POLR1D: variants seen among roughly 807,000 people sequenced by gnomAD.
POLR1D encodes DNA-directed RNA polymerases I and III subunit RPAC2.
A neutral mutation model predicts 10.8 loss-of-function variants in POLR1D; 8 were observed. That is an observed-to-expected ratio of 0.74 (90% CI 0.43 to 1.33). The LOEUF is 1.33. Among genes scored for constraint, POLR1D ranks in the 40% most tolerant of loss-of-function variants. The probability of loss-of-function intolerance (pLI) is 0.01; values close to 1 mark genes in which losing one functional copy is unlikely to be tolerated. For synonymous variants in POLR1D, 54 were observed against 57.2 expected (o/e 0.94, Z 0.25); for missense variants, 152 against 161.7 (o/e 0.94, Z 0.32).
intron 2 of POLR1D, among the ~76,000 whole-genome samples, chr13:27,651,822 T>G (rs1402963339): frequency 6.6e-6 from 1 of 152,134 alleles, no homozygotes; most frequent in Non-Finnish European, 1.5e-5. Flanking sequence ...CCAGCAGGAA[T>G]TATTGTCTTA....
chr13:27,664,441 C>T (rs1956395435), intron 2 of POLR1D, among the ~76,000 whole-genome samples: 1 of 152,218 alleles, frequency 6.6e-6, no homozygotes, highest in African/African-American at 2.4e-5. Flanking sequence ...TAATTTTCCA[C>T]TGTCCTTTTC....
chr13:27,658,496 C>G (rs1956328910), intron 2 of POLR1D, among the ~76,000 whole-genome samples: 1 of 152,074 alleles, frequency 6.6e-6, no homozygotes, highest in African/African-American at 2.4e-5. Context: ...ATCTAGAAGA[C>G]CTTTTATTTG....
intron 1 of POLR1D, among the ~76,000 whole-genome samples, chr13:27,630,872 C>T (rs953693519): frequency 2.0e-5 from 3 of 152,184 alleles, no homozygotes; most frequent in African/African-American, 7.2e-5. Flanking sequence ...AGCTGCCCGC[C>T]TCCCCCACCC....
At chr13:27,651,626 T>G (rs1020404268) in intron 2 of POLR1D, 2 of 152,172 alleles carry the variant, frequency 1.3e-5, no homozygotes, top group African/African-American at 2.4e-5. Context: ...GATATATTAT[T>G]TTAAAGTGAA....
At chr13:27,636,779 A>C (rs1267496350) in intron 1 of POLR1D, among the ~76,000 whole-genome samples, 1 of 152,072 alleles carries the variant, frequency 6.6e-6, no homozygotes, top group Non-Finnish European at 1.5e-5. Context: ...TTGGGTACCT[A>C]TTCTATTTTT....
chr13:27,665,328 C>T, intron 2 of POLR1D: 1 of 225,628 alleles, frequency 4.4e-6, no homozygotes, highest in Non-Finnish European at 8.9e-6. Context: ...AAATTTAATC[C>T]AAAATAAGTT....
intron 2 of POLR1D, among the ~76,000 whole-genome samples, chr13:27,664,213 A>T (rs1956393541): frequency 1.3e-5 from 2 of 152,264 alleles, no homozygotes; most frequent in South Asian, 4.1e-4. Context: ...AAATGTCTTT[A>T]CCTTGAGACT....
intron 1 of POLR1D, among the ~76,000 whole-genome samples, chr13:27,644,047 A>G (rs145743852): frequency 1.3e-5 from 2 of 152,310 alleles, no homozygotes; most frequent in East Asian, 3.9e-4. Flanking sequence ...ACAAATGAGG[A>G]AAGCTTCTAA....
intron 2 of POLR1D, among the ~76,000 whole-genome samples, chr13:27,659,685 T>C (rs1248041161): frequency 6.6e-6 from 1 of 152,106 alleles, no homozygotes; most frequent in African/African-American, 2.4e-5. Context: ...TTAGAGCACA[T>C]ATCTATGTAA....
intron 2 of POLR1D, chr13:27,664,887 A>G (rs977938636): frequency 3.3e-5 from 5 of 152,258 alleles, no homozygotes; most frequent in Admixed American, 1.3e-4. Flanking sequence ...CCTCAAGGCT[A>G]AGAGAAATAT....
At chr13:27,633,293 C>T (rs1043651740) in intron 1 of POLR1D, among the ~76,000 whole-genome samples, 4 of 152,150 alleles carry the variant, frequency 2.6e-5, no homozygotes, top group Non-Finnish European at 5.9e-5. Flanking sequence ...TTGACTGCAA[C>T]GCATCTCACA....
chr13:27,652,197 C>T (rs143426093), intron 2 of POLR1D, among the ~76,000 whole-genome samples: 86 of 152,246 alleles, frequency 5.6e-4, no homozygotes, highest in East Asian at 5.2e-3. Context: ...CTGTAAGGAG[C>T]GTTCAAGGGG....
intron 1 of POLR1D, among the ~76,000 whole-genome samples, chr13:27,629,242 C>CA (rs550108824): frequency 2.4e-3 from 367 of 152,306 alleles, no homozygotes; most frequent in African/African-American, 5.8e-3. Context: ...CTGTTGGACT[C>CA]ACAATGCCTG....
chr13:27,650,745 A>G (rs1425338393), intron 2 of POLR1D: 1 of 152,248 alleles, frequency 6.6e-6, no homozygotes, highest in Admixed American at 6.5e-5. Flanking sequence ...CCCACTAGTC[A>G]AAGATGATAT....
At chr13:27,636,330 C>T (rs1054015554) in intron 1 of POLR1D, among the ~76,000 whole-genome samples, 3 of 152,106 alleles carry the variant, frequency 2.0e-5, no homozygotes, top group East Asian at 3.9e-4. Flanking sequence ...CTTCTCTAAA[C>T]CATAATTTCC....
At chr13:27,665,348 T>C in intron 2 of POLR1D, 1 of 257,234 alleles carries the variant, frequency 3.9e-6, no homozygotes, top group African/African-American at 2.2e-5. Flanking sequence ...TACAGTAAAA[T>C]AGGGCACTTA....
chr13:27,658,869 T>A (rs1463580822), intron 2 of POLR1D, among the ~76,000 whole-genome samples: 2 of 152,256 alleles, frequency 1.3e-5, no homozygotes, highest in Admixed American at 1.3e-4. Context: ...ACATTCACTT[T>A]AGCTTATCTA....
chr13:27,667,183 C>T (rs1956426219), exon 3 of POLR1D: 1 of 152,210 alleles, frequency 6.6e-6, no homozygotes, highest in Admixed American at 6.5e-5. Context: ...CCTTCTCCCA[C>T]CCCAGATCCC....
intron 2 of POLR1D, among the ~76,000 whole-genome samples, chr13:27,655,946 C>T: frequency 6.6e-6 from 1 of 152,070 alleles, no homozygotes; most frequent in Non-Finnish European, 1.5e-5. Flanking sequence ...ATTGTTCATA[C>T]TAGTGGAGAA....
Sources: gnomAD v4.1 joint callset for allele counts (sites outside exome capture counted in the v4.1 genomes callset) on GRCh38, gnomAD v4.1.1 for gene constraint, MANE v1.5 for transcripts, NCBI Gene and HGNC (gene_info 2026-07-23, HGNC 2026-07-21) for gene names.